The following UNC5D variants were observed in gnomAD, a reference collection of about 807,000 sequenced individuals.
UNC5D encodes the protein unc-5 netrin receptor D, also known as netrin receptor UNC5D.
In UNC5D, 39 loss-of-function variants were observed where a neutral mutation model predicts 105.4. The observed-to-expected ratio is 0.37, with a 90% CI of 0.29 to 0.48. The LOEUF (loss-of-function observed/expected upper bound fraction) is 0.48. UNC5D is among the 20% of genes least tolerant of loss of function. The pLI is 0.98. For synonymous variants in UNC5D, 452 were observed against 450.4 expected (o/e 1.00, Z -0.04); for missense variants, 991 against 1,202.4 (o/e 0.82, Z 2.60).
At chr8:35,287,505 T>C (rs556733430) in intron 1 of UNC5D, among the ~76,000 whole-genome samples, 1 of 152,048 alleles carries the variant, frequency 6.6e-6, no homozygotes, top group Non-Finnish European at 1.5e-5. Flanking sequence ...ATAGAAAGCT[T>C]CAAAGAAGAC....
At chr8:35,326,698 G>A (rs1919350) in intron 1 of UNC5D, among the ~76,000 whole-genome samples, 124,506 of 151,888 alleles carry the variant, frequency 0.82, 51,478 homozygotes, top group East Asian at 1. Flanking sequence ...CAGGGGCTGC[G>A]GTGAGCTGTG....
chr8:35,484,398 A>G (rs1810694909), intron 1 of UNC5D, among the ~76,000 whole-genome samples: 1 of 152,082 alleles, frequency 6.6e-6, no homozygotes, highest in Admixed American at 6.5e-5. Context: ...ACACCAATCT[A>G]TCAGCATGTC....
At chr8:35,658,109 T>A (rs1419008978) in intron 4 of UNC5D, among the ~76,000 whole-genome samples, 1 of 152,190 alleles carries the variant, frequency 6.6e-6, no homozygotes, top group East Asian at 1.9e-4. Context: ...TTTTCCTAGG[T>A]TTTGTTCCTC....
intron 15 of UNC5D, among the ~76,000 whole-genome samples, chr8:35,773,922 C>T (rs949518453): frequency 6.6e-6 from 1 of 152,088 alleles, no homozygotes; most frequent in East Asian, 1.9e-4. Flanking sequence ...TGGGGTTTCA[C>T]CCTGTTGGCG....
chr8:35,532,283 T>G (rs892489966), intron 1 of UNC5D, among the ~76,000 whole-genome samples: 1 of 151,846 alleles, frequency 6.6e-6, no homozygotes, highest in African/African-American at 2.4e-5. Flanking sequence ...CTGTGAAGTA[T>G]TTTATTTCTC....
Position 35,651,326 on chromosome 8 carries a change from T to C in UNC5D, c.571-32221T>C, listed in dbSNP as rs1196706718. 4.6e-5 allele frequency among the ~76,000 whole-genome samples: 7 copies of C among 152,016 alleles called. No homozygotes were observed. In the East Asian group the frequency reaches 1.3e-3, roughly 29 times the overall value. On this transcript the variant is annotated intron_variant, in intron 4 of 16. Transcript: ENST00000404895. ...GTTCAAGGGAACCAAGATTAGAAGCTAAGAGTCAACATAAAAGATAAAAGG... is the reference window on the plus strand; with the variant it reads ...GTTCAAGGGAACCAAGATTAGAAGCCAAGAGTCAACATAAAAGATAAAAGG...
intron 1 of UNC5D, among the ~76,000 whole-genome samples, chr8:35,527,919 C>G (rs1814000391): frequency 6.6e-6 from 1 of 151,894 alleles, no homozygotes; most frequent in Non-Finnish European, 1.5e-5. Flanking sequence ...CACCTCCTAA[C>G]AGCAGCGAAT....
At chr8:35,537,606 G>A (rs1814931220) in intron 1 of UNC5D, among the ~76,000 whole-genome samples, 2 of 151,982 alleles carry the variant, frequency 1.3e-5, no homozygotes, top group Non-Finnish European at 2.9e-5. Context: ...ACTTGACCCT[G>A]GAATTGGAGG....
chr8:35,379,397 GGA>G (rs1802889843), intron 1 of UNC5D, among the ~76,000 whole-genome samples: 1 of 152,142 alleles, frequency 6.6e-6, no homozygotes, highest in African/African-American at 2.4e-5. Context: ...CCCGCAAGTT[GGA>G]GATCTGAACA....
chr8:35,670,321 A>C (rs1000332039), intron 4 of UNC5D, among the ~76,000 whole-genome samples: 1 of 152,154 alleles, frequency 6.6e-6, no homozygotes, highest in African/African-American at 2.4e-5. Context: ...TTCAACATAC[A>C]TTGGCCATGA....
intron 1 of UNC5D, among the ~76,000 whole-genome samples, chr8:35,417,120 A>G (rs1045096183): frequency 3.3e-5 from 5 of 152,150 alleles, no homozygotes; most frequent in African/African-American, 9.7e-5. Context: ...AAAAGATACA[A>G]TTAAATTATT....
chr8:35,507,049 CTTTTTTTTTTTT>C (rs71215631), intron 1 of UNC5D, among the ~76,000 whole-genome samples: 5 of 76,180 alleles, frequency 6.6e-5, no homozygotes, highest in South Asian at 1.1e-3. Flanking sequence ...CAGGGCTTTT[CTTTTTTTTTTTT>C]TTTTTTTTTT....
intron 1 of UNC5D, among the ~76,000 whole-genome samples, chr8:35,260,778 C>T (rs183026222): frequency 1.3e-5 from 2 of 152,222 alleles, no homozygotes; most frequent in African/African-American, 2.4e-5. Flanking sequence ...GCGTAGGGAG[C>T]GTGTAGCAGC....
In UNC5D at chr8:35,439,809, T is replaced by C. The variant is rs140992954; in HGVS notation, c.104-109483T>C. Among the ~76,000 whole-genome samples, 245 of 152,190 alleles carry C rather than the reference T, an allele frequency of 1.6e-3. 1 individual carries two copies. Among genetic ancestry groups the C allele is most frequent in the African/African-American group, 5.5e-3 (227 of 41,534 alleles). Reference sequence around the variant, plus strand: ...TCATCTTCTAAATATGGAAAGTCGTTTTCCTTCTAAATATGAAAAGCACAG... The same window carrying C: ...TCATCTTCTAAATATGGAAAGTCGTCTTCCTTCTAAATATGAAAAGCACAG... On this transcript the variant is annotated intron_variant, in intron 1 of 16. Transcript: ENST00000404895.
At chr8:35,255,539 C>T (rs530957577) in intron 1 of UNC5D, 1 of 152,168 alleles carries the variant, frequency 6.6e-6, no homozygotes, top group Non-Finnish European at 1.5e-5. Flanking sequence ...TATTTAATCT[C>T]CCAAAACAAC....
intron 16 of UNC5D, among the ~76,000 whole-genome samples, chr8:35,780,274 G>GTATA: frequency 6.6e-6 from 1 of 152,324 alleles, no homozygotes; most frequent in Non-Finnish European, 1.5e-5. Flanking sequence ...TGTAAAAACC[G>GTATA]TATACGTGAA....
chr8:35,490,154 T>G (rs1423080298), intron 1 of UNC5D, among the ~76,000 whole-genome samples: 1 of 152,212 alleles, frequency 6.6e-6, no homozygotes, highest in Non-Finnish European at 1.5e-5. Flanking sequence ...TTTCCTTTCC[T>G]CTCTTTTGGT....
chr8:35,446,967 C>A (rs1026983982), intron 1 of UNC5D, among the ~76,000 whole-genome samples: 1 of 152,096 alleles, frequency 6.6e-6, no homozygotes. Flanking sequence ...GGTATTGGAG[C>A]AGATATTAAT....
chr8:35,733,220 C>CT (rs1000654274), intron 11 of UNC5D, among the ~76,000 whole-genome samples: 27 of 152,180 alleles, frequency 1.8e-4, no homozygotes, highest in African/African-American at 6.5e-4. Flanking sequence ...GCCTCACTCC[C>CT]TTTTGATAGC....
Sources: allele counts gnomAD v4.1 joint callset (sites outside exome capture counted in the v4.1 genomes callset), GRCh38; gene constraint gnomAD v4.1.1; transcripts MANE v1.5; gene names NCBI Gene and HGNC (gene_info 2026-07-23, HGNC 2026-07-21).